PDE4B: variants seen among roughly 807,000 people sequenced by gnomAD.
PDE4B encodes the protein phosphodiesterase 4B.
A neutral mutation model predicts 82.2 loss-of-function variants in PDE4B; 20 were observed. The observed-to-expected ratio is 0.24, with a 90% CI of 0.17 to 0.35. The LOEUF (loss-of-function observed/expected upper bound fraction) is 0.35. Among genes scored for constraint, PDE4B ranks in the 10% least tolerant of loss-of-function variants. The probability of loss-of-function intolerance (pLI) is 1.00; values close to 1 mark genes in which losing one functional copy is unlikely to be tolerated. For missense variants in PDE4B, 655 were observed against 907.2 expected (o/e 0.72, Z 3.57); for synonymous variants, 320 against 318.9 (o/e 1.00, Z -0.04).
chr1:65,898,067 T>C (rs1226074374), intron 1 of PDE4B, among the ~76,000 whole-genome samples: 1 of 152,164 alleles, frequency 6.6e-6, no homozygotes, highest in Non-Finnish European at 1.5e-5. Flanking sequence ...TGATTTTGAT[T>C]TGCACATCTC....
chr1:65,908,817 G>A (rs1449638255), intron 1 of PDE4B, among the ~76,000 whole-genome samples: 1 of 152,076 alleles, frequency 6.6e-6, no homozygotes, highest in Admixed American at 6.6e-5. Context: ...AGGCGTCAAA[G>A]TAAGTCTGAT....
At chr1:66,169,851 C>T (rs373036254) in intron 3 of PDE4B, among the ~76,000 whole-genome samples, 12 of 152,150 alleles carry the variant, frequency 7.9e-5, no homozygotes, top group East Asian at 1.9e-4. Flanking sequence ...AAATCCTACA[C>T]GCATCATGGG....
chr1:66,162,433 G>T (rs1473209474), intron 3 of PDE4B, among the ~76,000 whole-genome samples: 1 of 147,500 alleles, frequency 6.8e-6, no homozygotes, highest in African/African-American at 2.5e-5. Context: ...ATTTGGGACT[G>T]GTGTCCAACA....
rs183300057 is a variant in PDE4B, at chr1:65,954,651, A to G, written c.281+35816A>G. Among the ~76,000 whole-genome samples the G allele has an allele frequency of 1.6e-3, 250 of 152,102 alleles. 1 individual carries two copies. In the Middle Eastern group the frequency reaches 0.034, roughly 21 times the overall value. On this transcript the variant is annotated intron_variant, in intron 3 of 16. Coordinates refer to ENST00000341517, the MANE Select transcript of PDE4B (RefSeq NM_002600.4). ...TTACTTAAGTTTCTTTTTTCCCCCA[A>G]TCTTTTCAATGGTGAAATATTAGAA... is the stretch of plus-strand genomic sequence containing the variant.
chr1:65,930,100 T>A (rs529852862), intron 3 of PDE4B, among the ~76,000 whole-genome samples: 5 of 152,152 alleles, frequency 3.3e-5, no homozygotes, highest in Non-Finnish European at 5.9e-5. Flanking sequence ...ACTGAAGAAC[T>A]TGGAGTCCAA....
intron 8 of PDE4B, among the ~76,000 whole-genome samples, chr1:66,341,878 T>A (rs1381632158): frequency 6.6e-6 from 1 of 152,186 alleles, no homozygotes; most frequent in Non-Finnish European, 1.5e-5. Flanking sequence ...TATGTAAAGC[T>A]CTCACAGCTC....
At chr1:66,080,693 G>A (rs7539350) in intron 3 of PDE4B, among the ~76,000 whole-genome samples, 77,721 of 151,888 alleles carry the variant, frequency 0.51, 19,955 homozygotes, top group East Asian at 0.58. Context: ...CCTTCTTATC[G>A]CTTATTAGAG....
At chr1:66,239,599 T>C (rs1008285421) in intron 3 of PDE4B, among the ~76,000 whole-genome samples, 1 of 152,192 alleles carries the variant, frequency 6.6e-6, no homozygotes, top group African/African-American at 2.4e-5. Flanking sequence ...TTTTGTAAGC[T>C]TGCTAGAAAT....
chr1:66,198,772 C>A (rs1395589866), intron 3 of PDE4B, among the ~76,000 whole-genome samples: 3 of 151,916 alleles, frequency 2.0e-5, no homozygotes, highest in Non-Finnish European at 4.4e-5. Context: ...CCCCCCACCC[C>A]ACAACAGTCC....
chr1:65,998,542 G>A (rs1176056700), intron 3 of PDE4B, among the ~76,000 whole-genome samples: 1 of 151,988 alleles, frequency 6.6e-6, no homozygotes, highest in Non-Finnish European at 1.5e-5. Context: ...CTGGAAAAGG[G>A]ACAATGTGCA....
At chr1:65,897,656 A>T (rs1296716309) in intron 1 of PDE4B, among the ~76,000 whole-genome samples, 1 of 152,062 alleles carries the variant, frequency 6.6e-6, no homozygotes, top group Non-Finnish European at 1.5e-5. Flanking sequence ...GTTGCAAAGG[A>T]CATGATTTTG....
At chr1:65,822,077 T>C (rs186418638) in intron 1 of PDE4B, among the ~76,000 whole-genome samples, 2 of 152,330 alleles carry the variant, frequency 1.3e-5, no homozygotes, top group East Asian at 3.9e-4. Context: ...TTAGATTTCC[T>C]TATAGGTATG....
At chr1:66,346,632 G>A (rs980390652) in intron 8 of PDE4B, among the ~76,000 whole-genome samples, 1 of 152,122 alleles carries the variant, frequency 6.6e-6, no homozygotes, top group African/African-American at 2.4e-5. Context: ...TGACATAGTA[G>A]TGCATCACAC....
chr1:65,850,990 C>T (rs1189427670), intron 1 of PDE4B, among the ~76,000 whole-genome samples: 1 of 152,076 alleles, frequency 6.6e-6, no homozygotes, highest in Non-Finnish European at 1.5e-5. Context: ...TGAGATAATA[C>T]TTGAGGTTCA....
intron 3 of PDE4B, among the ~76,000 whole-genome samples, chr1:66,207,194 C>T (rs1002244818): frequency 2.0e-5 from 3 of 152,136 alleles, no homozygotes; most frequent in Non-Finnish European, 4.4e-5. Flanking sequence ...TGTTTATACT[C>T]ATGCTGTTTC....
chr1:65,978,671 T>G (rs151290413), intron 3 of PDE4B, among the ~76,000 whole-genome samples: 36 of 152,328 alleles, frequency 2.4e-4, no homozygotes, highest in African/African-American at 8.2e-4. Context: ...TTAGGAAATA[T>G]GTTATCTATG....
intron 1 of PDE4B, among the ~76,000 whole-genome samples, chr1:65,862,669 C>T (rs369161324): frequency 2.4e-4 from 37 of 152,208 alleles, no homozygotes; most frequent in African/African-American, 6.0e-4. Flanking sequence ...GCTGTGAATC[C>T]GTCTGGTCCT....
intron 3 of PDE4B, among the ~76,000 whole-genome samples, chr1:66,116,956 C>G (rs1394642915): frequency 6.6e-6 from 1 of 152,184 alleles, no homozygotes; most frequent in Non-Finnish European, 1.5e-5. Context: ...TCTGCCCGCC[C>G]TCATTATTTG....
chr1:66,099,492 ACT>A (rs1645179933), intron 3 of PDE4B, among the ~76,000 whole-genome samples: 1 of 151,284 alleles, frequency 6.6e-6, no homozygotes, highest in Non-Finnish European at 1.5e-5. Context: ...GGTAGTTTTG[ACT>A]CTTATTTCAA....
Sources: allele counts gnomAD v4.1 joint callset (sites outside exome capture counted in the v4.1 genomes callset), GRCh38; gene constraint gnomAD v4.1.1; transcripts MANE v1.5; gene names NCBI Gene and HGNC (gene_info 2026-07-23, HGNC 2026-07-21).